The following GALNT13 variants were observed in gnomAD, a reference collection of about 807,000 sequenced individuals.
The protein encoded by GALNT13 is UDP-GalNAc:polypeptide N-acetylgalactosaminyltransferase 13.
In GALNT13, 28 loss-of-function variants were observed where a neutral mutation model predicts 64.2. The ratio of observed to expected loss-of-function variants is 0.44; its 90% CI spans 0.32 to 0.60. GALNT13 has a LOEUF of 0.60. GALNT13 is among the 20% of genes least tolerant of loss of function. The probability of loss-of-function intolerance (pLI) is 0.05; values close to 1 mark genes in which losing one functional copy is unlikely to be tolerated. For missense variants in GALNT13, 577 were observed against 669.8 expected (o/e 0.86, Z 1.53); for synonymous variants, 214 against 224.6 (o/e 0.95, Z 0.42).
chr2:153,334,183 T>C, the GALNT13 span, among the ~76,000 whole-genome samples: 1 of 152,184 alleles, frequency 6.6e-6, no homozygotes, highest in African/African-American at 2.4e-5. Flanking sequence ...AGTAAACCTA[T>C]GTGACTTATA....
the GALNT13 span, among the ~76,000 whole-genome samples, chr2:153,381,524 AG>A: frequency 6.6e-6 from 1 of 152,254 alleles, no homozygotes; most frequent in African/African-American, 2.4e-5. Context: ...TGCAGATTTC[AG>A]GTACCTATAT....
At chr2:154,142,819 C>CAT (rs974261065) in intron 4 of GALNT13, among the ~76,000 whole-genome samples, 3 of 149,082 alleles carry the variant, frequency 2.0e-5, no homozygotes, top group Non-Finnish European at 4.5e-5. Context: ...TAGTCCTGTG[C>CAT]ATATGTGTGT....
chr2:154,018,159 CG>C (rs1351586635), intron 3 of GALNT13, among the ~76,000 whole-genome samples: 1 of 152,150 alleles, frequency 6.6e-6, no homozygotes. Context: ...TCAGTACATT[CG>C]CAACTGCAAT....
chr2:154,332,204 A>C (rs1374185678), intron 9 of GALNT13, among the ~76,000 whole-genome samples: 12 of 152,072 alleles, frequency 7.9e-5, no homozygotes, highest in Non-Finnish European at 2.9e-5. Context: ...AAAAGAATTG[A>C]GGTTGTCCTT....
At chr2:153,175,384 G>A in the GALNT13 span, among the ~76,000 whole-genome samples, 1 of 152,112 alleles carries the variant, frequency 6.6e-6, no homozygotes, top group Non-Finnish European at 1.5e-5. Context: ...ATACACAAGA[G>A]TGTAATTTGC....
chr2:153,966,219 CTTTT>C (rs761961683), intron 3 of GALNT13, among the ~76,000 whole-genome samples: 1 of 120,110 alleles, frequency 8.3e-6, no homozygotes, highest in Admixed American at 8.7e-5. Context: ...GGTTGGATTT[CTTTT>C]TTTTTTTTTT....
At chr2:154,394,868 A>G (rs757048721) in intron 9 of GALNT13, among the ~76,000 whole-genome samples, 12 of 152,246 alleles carry the variant, frequency 7.9e-5, no homozygotes, top group Non-Finnish European at 1.5e-4. Context: ...TTCTAATAAC[A>G]CTATGGCATT....
chr2:153,538,021 C>A, the GALNT13 span, among the ~76,000 whole-genome samples: 1 of 152,096 alleles, frequency 6.6e-6, no homozygotes, highest in Admixed American at 6.6e-5. Context: ...GGGTAACAGG[C>A]AGAGGTTGGA....
the GALNT13 span, among the ~76,000 whole-genome samples, chr2:153,662,813 G>C: frequency 6.6e-5 from 10 of 152,142 alleles, no homozygotes; most frequent in African/African-American, 1.2e-4. Flanking sequence ...CAGAATTTCT[G>C]TTTACTAGGT....
At chr2:153,614,401 A>G in the GALNT13 span, among the ~76,000 whole-genome samples, 8 of 152,058 alleles carry the variant, frequency 5.3e-5, no homozygotes, top group Admixed American at 5.3e-4. Context: ...CGTTATAATT[A>G]TCATTATATA....
the GALNT13 span, among the ~76,000 whole-genome samples, chr2:153,625,832 G>C: frequency 6.6e-6 from 1 of 152,042 alleles, no homozygotes; most frequent in Non-Finnish European, 1.5e-5. Flanking sequence ...ATGTTGGAGG[G>C]CTGGTCAGAC....
intron 2 of GALNT13, among the ~76,000 whole-genome samples, chr2:153,930,264 G>C (rs6735884): frequency 0.2 from 30,726 of 152,020 alleles, 4,066 homozygotes; most frequent in Middle Eastern, 0.34. Flanking sequence ...ATAGTTTGCA[G>C]ATACGTTCTT....
At chr2:153,790,463 G>A in the GALNT13 span, among the ~76,000 whole-genome samples, 1 of 152,078 alleles carries the variant, frequency 6.6e-6, no homozygotes, top group African/African-American at 2.4e-5. Flanking sequence ...AAAATAATAA[G>A]AGCCATTTAT....
At chr2:153,703,279 T>A in the GALNT13 span, among the ~76,000 whole-genome samples, 1 of 152,202 alleles carries the variant, frequency 6.6e-6, no homozygotes, top group Non-Finnish European at 1.5e-5. Context: ...TAATCTTAAT[T>A]TTTTAATTTT....
chr2:153,490,042 G>A, the GALNT13 span, among the ~76,000 whole-genome samples: 1 of 151,758 alleles, frequency 6.6e-6, no homozygotes, highest in Non-Finnish European at 1.5e-5. Context: ...GGCAGCTTCA[G>A]CAATGCAACA....
chr2:153,320,717 T>C, the GALNT13 span, among the ~76,000 whole-genome samples: 1 of 152,200 alleles, frequency 6.6e-6, no homozygotes, highest in African/African-American at 2.4e-5. Context: ...TGATGACTGA[T>C]GGAAATAAAT....
the GALNT13 span, among the ~76,000 whole-genome samples, chr2:153,606,865 G>GT: frequency 7.6e-3 from 933 of 122,832 alleles, 4 homozygotes; most frequent in East Asian, 0.038. Context: ...ATGTCGTCAG[G>GT]TTTTTTTTTT....
chr2:154,222,139 C>T (rs564988751), intron 4 of GALNT13, among the ~76,000 whole-genome samples: 19 of 152,114 alleles, frequency 1.2e-4, no homozygotes, highest in Non-Finnish European at 2.2e-4. Context: ...GCTCTTTTTG[C>T]ACAATTTACA....
the GALNT13 span, among the ~76,000 whole-genome samples, chr2:153,542,759 A>G: frequency 6.6e-6 from 1 of 152,218 alleles, no homozygotes; most frequent in South Asian, 2.1e-4. Flanking sequence ...GAGAAGTTTC[A>G]GGAATCTGAC....
Sources: allele counts gnomAD v4.1 joint callset (sites outside exome capture counted in the v4.1 genomes callset), GRCh38; gene constraint gnomAD v4.1.1; transcripts MANE v1.5; gene names NCBI Gene and HGNC (gene_info 2026-07-23, HGNC 2026-07-21).